PTPRQ: variants seen among roughly 807,000 people sequenced by gnomAD.
PTPRQ encodes the protein phosphatidylinositol phosphatase PTPRQ.
PTPRQ carries 199 observed loss-of-function variants against 246.0 expected under a neutral mutation model. The observed-to-expected ratio is 0.81, with a 90% CI of 0.72 to 0.91. PTPRQ has a LOEUF of 0.91. Ranked by LOEUF, PTPRQ falls within the 40% of genes least tolerant of loss-of-function variation. The probability of loss-of-function intolerance (pLI) is 0.00; values close to 1 mark genes in which losing one functional copy is unlikely to be tolerated. For missense variants in PTPRQ, 2,624 were observed against 2,528.4 expected (o/e 1.04, Z -0.81); for synonymous variants, 869 against 853.2 (o/e 1.02, Z -0.32).
chr12:80,484,702 T>C (rs942333569), intron 9 of PTPRQ, 97 bp downstream of exon 9: 1 of 1,431,724 alleles, frequency 7.0e-7, no homozygotes, highest in Non-Finnish European at 9.3e-7. Flanking sequence ...ATGTAATATT[T>C]GACCACTTAC....
intron 44 of PTPRQ, 44 bp from the exon 45 acceptor site, chr12:80,678,942 G>T: frequency 6.6e-7 from 1 of 1,515,164 alleles, no homozygotes; most frequent in South Asian, 1.3e-5. Context: ...ATTTTGAACT[G>T]TTAACTTCAA....
At chr12:80,559,151 TCTC>T (rs1409657294) in intron 25 of PTPRQ, among the ~76,000 whole-genome samples, 42 of 152,278 alleles carry the variant, frequency 2.8e-4, no homozygotes, top group Non-Finnish European at 1.5e-4. Context: ...TTCAAGCAAT[TCTC>T]CTGCCCCAGC....
intron 17 of PTPRQ, among the ~76,000 whole-genome samples, chr12:80,524,597 T>A (rs1895624306): frequency 6.6e-6 from 1 of 152,172 alleles, no homozygotes; most frequent in Admixed American, 6.6e-5. Flanking sequence ...CATCCTGTCA[T>A]GGCCAGAAAC....
At chr12:80,472,603 C>T (rs2120548115) in intron 8 of PTPRQ, among the ~76,000 whole-genome samples, 1 of 152,254 alleles carries the variant, frequency 6.6e-6, no homozygotes, top group Non-Finnish European at 1.5e-5. Context: ...TTTTTTCTCA[C>T]AGAACTAGTA....
At chr12:80,542,933 T>G (rs1896198602) in intron 23 of PTPRQ, 52 bp downstream of exon 23, 24 of 1,234,302 alleles carry the variant, frequency 1.9e-5, no homozygotes, top group Non-Finnish European at 2.6e-5. Context: ...GAAATTGAAT[T>G]AAAATCTTTT....
In PTPRQ at chr12:80,469,308, TA is replaced by T. The variant is rs556974835; in HGVS notation, c.1039+476del. Among the ~76,000 whole-genome samples, 63 of 152,276 alleles carry T rather than the reference TA, an allele frequency of 4.1e-4. 1 individual carries two copies. The East Asian group carries it at 8.9e-3, about 21-fold the overall frequency. On this transcript the variant is annotated intron_variant, in intron 7 of 44. Coordinates refer to ENST00000644991, the MANE Select transcript of PTPRQ (RefSeq NM_001145026.2). ...TTTTGCTGTGGACCTAAAACTGCTT[TA>T]AAAAAGAAAACCTATTAAAATTTTT...
chr12:80,456,855 G>T (rs1892998455), intron 3 of PTPRQ, among the ~76,000 whole-genome samples: 1 of 152,082 alleles, frequency 6.6e-6, no homozygotes, highest in African/African-American at 2.4e-5. Context: ...CTATAACATA[G>T]ATACATTATT....
At chr12:80,642,731 T>C (rs1899910701) in intron 35 of PTPRQ, among the ~76,000 whole-genome samples, 1 of 150,380 alleles carries the variant, frequency 6.6e-6, no homozygotes, top group African/African-American at 2.4e-5. Flanking sequence ...CCATCCCGGC[T>C]AAAACGGTGA....
At chr12:80,624,064 G>A (rs1186837766) in intron 33 of PTPRQ, among the ~76,000 whole-genome samples, 3 of 152,122 alleles carry the variant, frequency 2.0e-5, no homozygotes, top group Non-Finnish European at 4.4e-5. Context: ...ACACAGTCAG[G>A]TTTTTGATTC....
chr12:80,568,238 A>G (rs1170682699), intron 25 of PTPRQ, among the ~76,000 whole-genome samples: 2 of 152,172 alleles, frequency 1.3e-5, no homozygotes, highest in Non-Finnish European at 2.9e-5. Context: ...AATTTAAAAC[A>G]TTAGAAACAT....
chr12:80,499,740 C>T (rs141067812), intron 14 of PTPRQ, among the ~76,000 whole-genome samples: 4 of 151,674 alleles, frequency 2.6e-5, no homozygotes, highest in East Asian at 3.9e-4. Flanking sequence ...TGTGTTCAAG[C>T]AGGAAAGATC....
intron 3 of PTPRQ, among the ~76,000 whole-genome samples, chr12:80,453,206 T>A (rs1339094309): frequency 6.6e-6 from 1 of 152,222 alleles, no homozygotes; most frequent in African/African-American, 2.4e-5. Flanking sequence ...AGCCTTGGCT[T>A]TCAGCTCCAT....
intron 34 of PTPRQ, 21 bp downstream of exon 34, chr12:80,632,312 C>A: frequency 6.4e-7 from 1 of 1,551,160 alleles, no homozygotes; most frequent in Non-Finnish European, 8.7e-7. Flanking sequence ...TTTGCGCTTA[C>A]ATTCCAGGAT....
chr12:80,590,370 T>C (rs1294607284), intron 26 of PTPRQ, among the ~76,000 whole-genome samples: 1 of 152,130 alleles, frequency 6.6e-6, no homozygotes, highest in Non-Finnish European at 1.5e-5. Flanking sequence ...ACTTTCTTGC[T>C]TAAAACTATC....
rs191438082 is a variant in PTPRQ at position 80,492,644 on chromosome 12, G to A, written c.1360-631G>A. On this transcript the variant is annotated intron_variant, in intron 9 of 44. Transcript: ENST00000644991. ...TCACCTCAGTGTTTGCCATTTTGGT[G>A]AACTTGACATGTGTGAATTACATTA... 1.7e-4 allele frequency among the ~76,000 whole-genome samples: 26 copies of A among 152,042 alleles called. No homozygotes were observed. The East Asian group carries it at 5.0e-3, about 29-fold the overall frequency.
chr12:80,592,735 T>C (rs913611943), intron 26 of PTPRQ, among the ~76,000 whole-genome samples: 6 of 152,116 alleles, frequency 3.9e-5, no homozygotes, highest in African/African-American at 1.2e-4. Flanking sequence ...GCATGAGTCA[T>C]GTGGTGGCTC....
Position 80,613,747 on chromosome 12 carries a change from A to T in PTPRQ, c.5074A>T (p.Ile1692Phe). 1 of 1,545,828 alleles carries T rather than the reference A, an allele frequency of 6.5e-7. No individual in the cohort carries two copies. Among genetic ancestry groups the T allele is most frequent in the South Asian group, 1.2e-5 (1 of 83,800 alleles). The change falls in exon 29 of 45, where the codon ATT (isoleucine) becomes TTT (phenylalanine). Residue 1692 changes from isoleucine to phenylalanine, a missense_variant. Physicochemically the swap from Ile to Phe is conservative, Grantham distance 21. Coordinates refer to ENST00000644991, the MANE Select transcript of PTPRQ (RefSeq NM_001145026.2). Reference sequence around the variant, plus strand: ...AGAAGATGATCCTACTGCTGTCCAGATTCACAACCTCAGTATTATACAGAA... The same window carrying T: ...AGAAGATGATCCTACTGCTGTCCAGTTTCACAACCTCAGTATTATACAGAA... ...YREDDPTAVQ[I>F]HNLSIIQKTN...
intron 4 of PTPRQ, among the ~76,000 whole-genome samples, chr12:80,458,819 T>C (rs953835081): frequency 3.3e-5 from 5 of 152,090 alleles, no homozygotes; most frequent in Admixed American, 3.3e-4. Flanking sequence ...AAATGTAAAA[T>C]ACAATAATTA....
rs544223455 is a variant in PTPRQ at position 80,449,178 on chromosome 12, G to C, written c.390+3461G>C. Reference sequence around the variant, plus strand: ...TTTGGCTGCATAAATGTCTTCTTTTGAGAAGTGTCTGTTCATGTCCTTCAC... The same window carrying C: ...TTTGGCTGCATAAATGTCTTCTTTTCAGAAGTGTCTGTTCATGTCCTTCAC... On this transcript the variant is annotated intron_variant, in intron 3 of 44. Transcript: ENST00000644991. Among the ~76,000 whole-genome samples the C allele has an allele frequency of 2.8e-3, 426 of 151,384 alleles. 3 individuals are homozygous for C. Among genetic ancestry groups the C allele is most frequent in the African/African-American group, 8.1e-3 (333 of 41,342 alleles).
Sources: allele counts gnomAD v4.1 joint callset (sites outside exome capture counted in the v4.1 genomes callset), GRCh38; gene constraint gnomAD v4.1.1; transcripts MANE v1.5; gene names NCBI Gene and HGNC (gene_info 2026-07-23, HGNC 2026-07-21).